RP1: variants seen among roughly 807,000 people sequenced by gnomAD.
The protein encoded by RP1 is oxygen-regulated protein 1.
Under a neutral mutation model 14.8 loss-of-function variants are expected in RP1, and 16 were observed. That is an observed-to-expected ratio of 1.08 (90% confidence interval 0.73 to 1.65). The LOEUF (loss-of-function observed/expected upper bound fraction) is 1.65. RP1 is among the 40% of genes most tolerant of loss of function. The pLI, the probability that RP1 is intolerant of heterozygous loss-of-function variation, is 0.00. For missense variants in RP1, 2,631 were observed against 2,535.0 expected (o/e 1.04, Z -0.81); for synonymous variants, 876 against 883.6 (o/e 0.99, Z 0.15).
intron 1 of RP1, among the ~76,000 whole-genome samples, chr8:54,567,625 T>A (rs1416790503): frequency 7.0e-6 from 1 of 143,050 alleles, no homozygotes; most frequent in Non-Finnish European, 1.6e-5. Context: ...ACTTTGTAGG[T>A]TCAGGGAAAA....
intron 1 of RP1, among the ~76,000 whole-genome samples, chr8:54,594,901 A>G (rs1051990301): frequency 9.9e-5 from 15 of 152,176 alleles, no homozygotes; most frequent in Admixed American, 5.2e-4. Context: ...ATTTGTGATG[A>G]TAGCATATAG....
At chr8:54,758,645 G>A (rs975571658) in intron 21 of RP1, among the ~76,000 whole-genome samples, 9 of 152,180 alleles carry the variant, frequency 5.9e-5, no homozygotes, top group Admixed American at 4.6e-4. Flanking sequence ...AAGTGTTTGT[G>A]TTGGGATTTC....
rs1405208213 is a variant in RP1, at chr8:54,626,881, G to T, written c.2999G>T (p.Gly1000Val). ...AAGTCTTTTATTGCCAATGACACTG[G>T]TGAAGAAGATCTCCATGAGACACAG... ...GDKSFIANDT[G>V]EEDLHETQVG... Residue 1000 changes from glycine (G) to valine (V), a missense_variant, in exon 4 of 4, where the codon GGT becomes GTT. By Grantham distance (109) the Gly-to-Val change is moderately radical. Coordinates refer to ENST00000220676, the MANE Select transcript of RP1 (RefSeq NM_006269.2). 6.2e-7 allele frequency: 1 copy of T among 1,613,794 alleles called. No individual in the cohort carries two copies. The highest frequency in any genetic ancestry group is 1.1e-5 in the South Asian group (1 of 91,080).
Position 54,628,881 on chromosome 8 carries a change from T to A in RP1, c.4999T>A (p.Ser1667Thr), listed in dbSNP as rs373577660. The change falls in exon 4 of 4, where the codon TCC becomes ACC. Residue 1667 changes from serine to threonine, a missense_variant. Physicochemically the swap from Ser to Thr is moderately conservative, Grantham distance 58. Transcript: ENST00000220676. ...CPYNSVEFQC[S>T]RKASLYDSEG... The stretch of plus-strand genomic sequence containing the variant: ...TTATAATTCTGTGGAATTTCAGTGT[T>A]CCAGGAAAGCAAGTCTTTATGATTC... The A allele has an allele frequency of 1.7e-5, 28 of 1,614,008 alleles. No homozygotes were observed. The highest frequency in any genetic ancestry group is 1.7e-6 in the Non-Finnish European group (2 of 1,179,984).
chr8:54,675,161 A>G (rs1219207967), intron 8 of RP1, among the ~76,000 whole-genome samples: 1 of 152,190 alleles, frequency 6.6e-6, no homozygotes, highest in Non-Finnish European at 1.5e-5. Flanking sequence ...AATATTAAAC[A>G]TGAAAGTTTA....
At chr8:54,729,505 G>A (rs1808739678) in intron 17 of RP1, among the ~76,000 whole-genome samples, 1 of 152,044 alleles carries the variant, frequency 6.6e-6, no homozygotes, top group Non-Finnish European at 1.5e-5. Context: ...ATCTTGGGTA[G>A]TCATGTTTGA....
chr8:54,633,445 T>G (rs1806286921), downstream of RP1, among the ~76,000 whole-genome samples: 1 of 152,118 alleles, frequency 6.6e-6, no homozygotes, highest in African/African-American at 2.4e-5. Context: ...ACATGCCTCA[T>G]TTTTCAGAGT....
In RP1 at chr8:54,822,904, A is replaced by G. The variant is rs114235611; in HGVS notation, c.3616-14546A>G. ...CTCTGCTAATTGTAACAAAATGGTA[A>G]TAAGTAAATTTCATAACTTTTGTTT... On this transcript the variant is annotated intron_variant, in intron 24 of 28. Coordinates refer to the RP1 transcript ENST00000637698. Among the ~76,000 whole-genome samples, 467 of 152,338 alleles carry G rather than the reference A, an allele frequency of 3.1e-3. 1 individual carries two copies. Among genetic ancestry groups the G allele is most frequent in the African/African-American group, 0.01 (436 of 41,560 alleles).
downstream of RP1, among the ~76,000 whole-genome samples, chr8:54,635,587 C>T (rs1284256631): frequency 6.6e-6 from 1 of 152,016 alleles, no homozygotes; most frequent in East Asian, 1.9e-4. Context: ...GTAGTTGCTG[C>T]CTCAGCATCC....
At chr8:54,746,878 C>A (rs1809236892) in intron 19 of RP1, among the ~76,000 whole-genome samples, 1 of 152,118 alleles carries the variant, frequency 6.6e-6, no homozygotes, top group Non-Finnish European at 1.5e-5. Flanking sequence ...CATAATCAGA[C>A]CTTTTTGATT....
chr8:54,663,701 A>G, exon 7 of RP1: 5 of 1,513,854 alleles, frequency 3.3e-6, no homozygotes, highest in Non-Finnish European at 4.4e-6. Context: ...GTTGTCAGTG[A>G]CAATATATGA....
chr8:54,591,545 A>G (rs1452079560), intron 1 of RP1, among the ~76,000 whole-genome samples: 1 of 152,130 alleles, frequency 6.6e-6, no homozygotes, highest in Non-Finnish European at 1.5e-5. Flanking sequence ...ATTAACCTAC[A>G]TGATCTTTTT....
chr8:54,741,721 A>G (rs1251980386), intron 19 of RP1, among the ~76,000 whole-genome samples: 18 of 126,318 alleles, frequency 1.4e-4, no homozygotes, highest in East Asian at 7.2e-4. Context: ...ATATATATAT[A>G]TATATATATA....
chr8:54,831,610 C>T (rs1585730447), intron 24 of RP1, among the ~76,000 whole-genome samples: 3 of 151,230 alleles, frequency 2.0e-5, no homozygotes, highest in African/African-American at 7.3e-5. Context: ...TATTACAAAC[C>T]CCATAAAACA....
chr8:54,561,387 A>G (rs923254913), intron 1 of RP1, among the ~76,000 whole-genome samples: 1 of 152,228 alleles, frequency 6.6e-6, no homozygotes. Context: ...CATCGACTCC[A>G]CAGCAATAGG....
Position 54,624,916 on chromosome 8 carries a change from A to G in RP1, c.1034A>G (p.Glu345Gly). ...GTTCGATTCAGAATAAAAGAGGAAG[A>G]AACCATAAAATGGACAACTACTGTC... The part of the protein sequence containing the change: ...MKVRFRIKEE[E>G]TIKWTTTVSK... Residue 345 changes from glutamate to glycine, a missense_variant, in exon 4 of 4, where the codon GAA becomes GGA. By Grantham distance (98) the Glu-to-Gly change is moderately conservative (BLOSUM62 -2). Transcript: ENST00000220676. 1 of 1,614,152 alleles carries G rather than the reference A, an allele frequency of 6.2e-7. No homozygotes were observed. Among genetic ancestry groups the G allele is most frequent in the Non-Finnish European group, 8.5e-7 (1 of 1,180,026 alleles).
At chr8:54,856,887 G>A (rs1812213573) in intron 26 of RP1, 2 of 333,958 alleles carry the variant, frequency 6.0e-6, no homozygotes, top group South Asian at 1.5e-4. Context: ...GTAGAACTTT[G>A]CACATAAAAT....
chr8:54,833,622 C>T (rs1223248943), intron 24 of RP1, among the ~76,000 whole-genome samples: 1 of 152,006 alleles, frequency 6.6e-6, no homozygotes, highest in Non-Finnish European at 1.5e-5. Context: ...CTTAATCACG[C>T]AACTCCTTCA....
At chr8:54,588,453 A>G (rs1334867050) in intron 1 of RP1, among the ~76,000 whole-genome samples, 1 of 152,186 alleles carries the variant, frequency 6.6e-6, no homozygotes, top group African/African-American at 2.4e-5. Context: ...TGTTTTGAAG[A>G]TTAGAATAAA....
Sources: allele counts gnomAD v4.1 joint callset (sites outside exome capture counted in the v4.1 genomes callset), GRCh38; gene constraint gnomAD v4.1.1; transcripts MANE v1.5; gene names NCBI Gene and HGNC (gene_info 2026-07-23, HGNC 2026-07-21).